The following LMO7 variants were observed in gnomAD, a reference collection of about 807,000 sequenced individuals.
The protein encoded by LMO7 is LIM domain only protein 7.
A neutral mutation model predicts 206.5 loss-of-function variants in LMO7; 120 were observed. That is an observed-to-expected ratio of 0.58 (90% confidence interval 0.50 to 0.68). The LOEUF is 0.68. Among genes scored for constraint, LMO7 ranks in the 30% least tolerant of loss-of-function variants. The pLI, the probability that LMO7 is intolerant of heterozygous loss-of-function variation, is 0.00. For missense variants in LMO7, 1,959 were observed against 1,957.9 expected (o/e 1.00, Z -0.01); for synonymous variants, 706 against 681.5 (o/e 1.04, Z -0.56).
intron 1 of LMO7, among the ~76,000 whole-genome samples, chr13:75,663,832 T>C (rs2038862562): frequency 2.0e-5 from 3 of 152,008 alleles, no homozygotes. Context: ...GTTGGGCTTC[T>C]TTTTTTTAAT....
chr13:75,822,754 T>A (rs2138451946), intron 14 of LMO7, among the ~76,000 whole-genome samples: 1 of 115,260 alleles, frequency 8.7e-6, no homozygotes, highest in Non-Finnish European at 1.7e-5. Flanking sequence ...TACAATTATT[T>A]TTAGAAACTA....
chr13:75,769,080 T>C (rs2049282827), intron 4 of LMO7, among the ~76,000 whole-genome samples: 1 of 152,160 alleles, frequency 6.6e-6, no homozygotes, highest in African/African-American at 2.4e-5. Flanking sequence ...TATAATATTA[T>C]GTCAAAATGC....
At chr13:75,663,201 GT>G (rs2038766149) in intron 1 of LMO7, among the ~76,000 whole-genome samples, 1 of 151,274 alleles carries the variant, frequency 6.6e-6, no homozygotes, top group South Asian at 2.1e-4. Flanking sequence ...TGGGTTGACT[GT>G]TTTTTAGACT....
At chr13:75,662,889 T>C (rs1484380683) in intron 1 of LMO7, among the ~76,000 whole-genome samples, 1 of 152,200 alleles carries the variant, frequency 6.6e-6, no homozygotes, top group Admixed American at 6.5e-5. Flanking sequence ...GTTTAGGTCT[T>C]ATAAAGTACT....
chr13:75,791,265 T>C (rs1371240345), intron 4 of LMO7, among the ~76,000 whole-genome samples: 1 of 152,148 alleles, frequency 6.6e-6, no homozygotes, highest in Non-Finnish European at 1.5e-5. Context: ...GGATTATTGA[T>C]TTGATTCTAA....
intron 1 of LMO7, among the ~76,000 whole-genome samples, chr13:75,708,546 T>G (rs1051795276): frequency 6.6e-6 from 1 of 152,232 alleles, no homozygotes; most frequent in Non-Finnish European, 1.5e-5. Context: ...GCGTTGGATG[T>G]TTCTGGGCCT....
chr13:75,805,502 C>A lies in LMO7; in HGVS notation c.938C>A (p.Thr313Asn). Residue 313 changes from threonine to asparagine, a missense_variant, in exon 9 of 31, where the codon ACC becomes AAC. Physicochemically the swap from Thr to Asn is moderately conservative, Grantham distance 65 (BLOSUM62 0). Coordinates refer to ENST00000377534, the MANE Select transcript of LMO7 (RefSeq NM_001306080.2). ...FSSNQRRIWG[T>N]NVENWPTVQG... ...AGTAATCAGAGGAGGATTTGGGGCA[C>A]CAATGTGGAGAACTGGCCAACTGTA... 6.2e-7 allele frequency: 1 copy of A among 1,613,874 alleles called. No homozygotes were observed.
chr13:75,732,995 G>A (rs1379197972), intron 3 of LMO7, among the ~76,000 whole-genome samples: 1 of 151,352 alleles, frequency 6.6e-6, no homozygotes, highest in Non-Finnish European at 1.5e-5. Flanking sequence ...TTTTGTCTCA[G>A]AGGAGTTCCC....
intron 15 of LMO7, among the ~76,000 whole-genome samples, chr13:75,828,135 C>T (rs971559134): frequency 8.5e-5 from 13 of 152,208 alleles, no homozygotes; most frequent in African/African-American, 3.1e-4. Flanking sequence ...CCAGAAACTG[C>T]TTAGCCGGCA....
chr13:75,656,067 G>T (rs2038040580), intron 1 of LMO7, among the ~76,000 whole-genome samples: 1 of 152,164 alleles, frequency 6.6e-6, no homozygotes, highest in African/African-American at 2.4e-5. Flanking sequence ...TCTCATCCTG[G>T]AAGCCATGGC....
At chr13:75,675,783 G>A (rs994413532) in intron 1 of LMO7, among the ~76,000 whole-genome samples, 9 of 152,114 alleles carry the variant, frequency 5.9e-5, no homozygotes, top group African/African-American at 2.2e-4. Context: ...TGAAGGAGTT[G>A]GCCAGTGAGA....
At chr13:75,708,248 T>A (rs566172970) in intron 1 of LMO7, among the ~76,000 whole-genome samples, 7 of 152,364 alleles carry the variant, frequency 4.6e-5, no homozygotes, top group Non-Finnish European at 8.8e-5. Context: ...TTGCTTAAGA[T>A]CACACAGTTA....
chr13:75,836,418 A>G lies in LMO7; in HGVS notation c.3355A>G (p.Asn1119Asp), dbSNP rs776869466. The change falls in exon 19 of 31, where the codon AAT becomes GAT. Residue 1119 changes from asparagine (N) to aspartate (D), a missense_variant. Physicochemically the swap from Asn to Asp is conservative, Grantham distance 23. Coordinates refer to ENST00000377534, the MANE Select transcript of LMO7 (RefSeq NM_001306080.2). The stretch of plus-strand genomic sequence containing the variant: ...CCAGAATATTGAATCCAAAGAAATC[A>G]ATGGAATTCATGATGAAAGCAATGC... ...QSSNIESKEINGIHDESNAFE... is the reference protein window; with the variant it reads ...QSSNIESKEIDGIHDESNAFE... The G allele has an allele frequency of 2.6e-6, 4 of 1,540,176 alleles. No individual in the cohort carries two copies. The highest frequency in any genetic ancestry group is 1.4e-5 in the African/African-American group (1 of 72,856).
intron 3 of LMO7, among the ~76,000 whole-genome samples, chr13:75,750,629 A>G (rs1355442031): frequency 1.3e-5 from 2 of 152,062 alleles, no homozygotes; most frequent in African/African-American, 4.8e-5. Context: ...TCCTGGTCTC[A>G]AGGAGTTGAG....
At chr13:75,687,937 G>C (rs756382590) in intron 1 of LMO7, among the ~76,000 whole-genome samples, 2 of 152,144 alleles carry the variant, frequency 1.3e-5, no homozygotes, top group African/African-American at 4.8e-5. Context: ...GGAGGTAATT[G>C]AATCATGGGG....
chr13:75,713,339 C>A, intron 2 of LMO7, 87 bp downstream of exon 2: 1 of 829,080 alleles, frequency 1.2e-6, no homozygotes. Context: ...CTCCCATGGC[C>A]ACCGTAGTCA....
chr13:75,793,380 G>C lies in LMO7; in HGVS notation c.318-2021G>C, dbSNP rs138392671. 5.4e-3 allele frequency among the ~76,000 whole-genome samples: 816 copies of C among 152,184 alleles called. 11 individuals carry two copies. Among genetic ancestry groups the C allele is most frequent in the African/African-American group, 0.019 (777 of 41,492 alleles). ...AACCTCCGCCTCCCGGGTTCAAGCTGTTCTCCTGCCTCAGCCTCCTGAGTA... is the reference window on the plus strand; with the variant it reads ...AACCTCCGCCTCCCGGGTTCAAGCTCTTCTCCTGCCTCAGCCTCCTGAGTA... On this transcript the variant is annotated intron_variant, in intron 4 of 30. Transcript: ENST00000377534.
In LMO7 at chr13:75,845,364, T is replaced by A; in HGVS notation, c.4135T>A (p.Ser1379Thr). 1.3e-6 allele frequency: 2 copies of A among 1,584,258 alleles called. No individual in the cohort carries two copies. Among genetic ancestry groups the A allele is most frequent in the South Asian group, 2.2e-5 (2 of 88,962 alleles). ...ATCTACTACTGAACTGGATGATTAC[T>A]CCACAAATAAAAATGGTAAATGCGA... ...SRSTTELDDY[S>T]TNKNGNNKYL... Residue 1379 changes from serine to threonine, a missense_variant, in exon 26 of 31, where the codon TCC (serine) becomes ACC (threonine). Physicochemically the swap from Ser to Thr is moderately conservative, Grantham distance 58. Transcript: ENST00000377534.
chr13:75,623,682 A>G (rs7986201), intron 2 of LMO7, among the ~76,000 whole-genome samples: 27,846 of 151,930 alleles, frequency 0.18, 2,968 homozygotes, highest in African/African-American at 0.29. Flanking sequence ...AAAAAAAAAA[A>G]TAATTAAATT....
Sources: gnomAD v4.1 joint callset for allele counts (sites outside exome capture counted in the v4.1 genomes callset) on GRCh38, gnomAD v4.1.1 for gene constraint, MANE v1.5 for transcripts, NCBI Gene and HGNC (gene_info 2026-07-23, HGNC 2026-07-21) for gene names.